DNAH11: variants seen among roughly 807,000 people sequenced by gnomAD.
DNAH11 encodes the protein axonemal beta dynein heavy chain 11.
In DNAH11, 442 loss-of-function variants were observed where a neutral mutation model predicts 526.0. That is an observed-to-expected ratio of 0.84 (90% confidence interval 0.78 to 0.91). DNAH11 has a LOEUF of 0.91. Among genes scored for constraint, DNAH11 ranks in the 40% least tolerant of loss-of-function variants. DNAH11 has a pLI of 0.00. For synonymous variants in DNAH11, 2,461 were observed against 1,935.9 expected (o/e 1.27, Z -7.12); for missense variants, 6,989 against 5,448.7 (o/e 1.28, Z -8.90).
rs573447464 is a variant in DNAH11 at position 21,882,160 on chromosome 7, A to T, written c.12387+1267A>T. ...TAGAATCGTATTTCAGCTGAATCCT[A>T]TACACCATTGAGGTGGAAATGAAGG... On this transcript the variant is annotated intron_variant, in intron 75 of 81. Transcript: ENST00000409508. Among the ~76,000 whole-genome samples the T allele has an allele frequency of 1.1e-4, 16 of 152,266 alleles. No homozygotes were observed. In the South Asian group the frequency reaches 2.9e-3, roughly 28 times the overall value.
intron 28 of DNAH11, among the ~76,000 whole-genome samples, chr7:21,649,441 T>A (rs1429579166): frequency 3.3e-5 from 5 of 152,144 alleles, no homozygotes; most frequent in Non-Finnish European, 7.3e-5. Flanking sequence ...ATTGTCTTTA[T>A]ACAATGGAAT....
chr7:21,590,087 A>T (rs1408651502), intron 12 of DNAH11, among the ~76,000 whole-genome samples: 2 of 152,170 alleles, frequency 1.3e-5, no homozygotes, highest in Non-Finnish European at 2.9e-5. Flanking sequence ...TAACAAAGGA[A>T]ATTTCATATA....
chr7:21,885,147 T>C (rs1243572968), intron 76 of DNAH11, among the ~76,000 whole-genome samples: 4 of 139,538 alleles, frequency 2.9e-5, no homozygotes, highest in Non-Finnish European at 6.1e-5. Context: ...AGAACCTTAT[T>C]TGGATCTTGT....
At chr7:21,692,247 A>G (rs1783663600) in intron 35 of DNAH11, among the ~76,000 whole-genome samples, 1 of 152,242 alleles carries the variant, frequency 6.6e-6, no homozygotes, top group Non-Finnish European at 1.5e-5. Context: ...GGTATAATTT[A>G]ATACAATCAA....
At position 21,742,126 on chromosome 7, in the gene DNAH11, A is replaced by G; in HGVS notation, c.8114A>G (p.His2705Arg). The G allele has an allele frequency of 6.2e-7, 1 of 1,613,874 alleles. No homozygotes were observed. The highest frequency in any genetic ancestry group is 8.5e-7 in the Non-Finnish European group (1 of 1,179,812). Residue 2705 changes from histidine to arginine, a missense_variant, in exon 49 of 82, where the codon CAC (histidine) becomes CGC (arginine). Transcript: ENST00000409508. The stretch of plus-strand genomic sequence containing the variant: ...TTTTTACCCACGGCTATTAAATTCC[A>G]CTACATCTTTAATCTGAGAGATTTA... ...CNFLPTAIKF[H>R]YIFNLRDLSN...
intron 44 of DNAH11, among the ~76,000 whole-genome samples, chr7:21,723,396 G>A (rs979350920): frequency 6.6e-6 from 1 of 152,182 alleles, no homozygotes; most frequent in African/African-American, 2.4e-5. Context: ...CAGGACCTAT[G>A]TTCTTCAGCC....
chr7:21,899,044 T>A (rs1784636489), intron 79 of DNAH11, among the ~76,000 whole-genome samples: 1 of 152,222 alleles, frequency 6.6e-6, no homozygotes, highest in Non-Finnish European at 1.5e-5. Context: ...AGTCACCACA[T>A]AGCATGAAGA....
chr7:21,738,095 A>G (rs533501754), intron 46 of DNAH11, among the ~76,000 whole-genome samples: 1 of 152,216 alleles, frequency 6.6e-6, no homozygotes, highest in African/African-American at 2.4e-5. Flanking sequence ...ATCAGATACT[A>G]CATCTCAGAC....
chr7:21,780,812 T>C (rs775550151), intron 57 of DNAH11, among the ~76,000 whole-genome samples: 2 of 152,196 alleles, frequency 1.3e-5, no homozygotes, highest in Non-Finnish European at 2.9e-5. Context: ...TATTAACATC[T>C]ATTTTGTCAC....
In DNAH11 at chr7:21,900,123, A is replaced by AAGAC. The variant is rs762906796; in HGVS notation, c.13303+5_13303+8dup. 4 of 1,609,266 alleles carry AAGAC rather than the reference A, an allele frequency of 2.5e-6. No homozygotes were observed. Among genetic ancestry groups the AAGAC allele is most frequent in the Admixed American group, 1.7e-5 (1 of 59,454 alleles). On this transcript the variant is annotated splice_donor_region_variant and intron_variant, in intron 81 of 81. Transcript: ENST00000409508. ...CCTCCACGGACTCTTCATGGAGGGT[A>AAGAC]AGACACCCCAAGGGGTAAGTGGGGA...
rs200959017 is a variant in DNAH11 at position 21,899,316 on chromosome 7, T to A, written c.13050-20T>A. ...ATTTTACTGAACAGCAAGTTTTTCTTCCTCCCTCCCATAAACCAGGTTCAA... is the reference window on the plus strand; with the variant it reads ...ATTTTACTGAACAGCAAGTTTTTCTACCTCCCTCCCATAAACCAGGTTCAA... On this transcript the variant is annotated intron_variant, in intron 79 of 81. Coordinates refer to ENST00000409508, the MANE Select transcript of DNAH11 (RefSeq NM_001277115.2). 155 of 1,602,576 alleles carry A rather than the reference T, an allele frequency of 9.7e-5. No individual in the cohort carries two copies. In the East Asian group the frequency reaches 3.0e-3, roughly 31 times the overall value.
rs58775729 is a variant in DNAH11, at chr7:21,786,302, ATG to A, written c.9598-296_9598-295del. ...TATAAATATCTTACAACATATACAC[ATG>A]TGTGTGTGTGTGTGTGTGTGTGTGT... On this transcript the variant is annotated intron_variant, in intron 58 of 81. Transcript: ENST00000409508. Among the ~76,000 whole-genome samples the A allele has an allele frequency of 3.7e-3, 565 of 150,940 alleles. 4 individuals are homozygous for A. Among genetic ancestry groups the A allele is most frequent in the African/African-American group, 0.013 (531 of 40,986 alleles).
At chr7:21,854,891 T>C (rs1782776955) in intron 68 of DNAH11, among the ~76,000 whole-genome samples, 1 of 152,132 alleles carries the variant, frequency 6.6e-6, no homozygotes. Context: ...GTCATGAGGA[T>C]CTGGTTAACA....
intron 25 of DNAH11, among the ~76,000 whole-genome samples, chr7:21,634,402 G>GA (rs1344015141): frequency 6.6e-6 from 1 of 152,212 alleles, no homozygotes; most frequent in Non-Finnish European, 1.5e-5. Flanking sequence ...AGAAATGCTT[G>GA]AAACAGGATA....
chr7:21,860,623 A>G (rs1783025658), intron 68 of DNAH11, among the ~76,000 whole-genome samples: 1 of 152,224 alleles, frequency 6.6e-6, no homozygotes, highest in Non-Finnish European at 1.5e-5. Flanking sequence ...TTAAAAATGA[A>G]CAAATTTCTC....
At chr7:21,785,096 TG>T (rs1480454169) in intron 58 of DNAH11, among the ~76,000 whole-genome samples, 2 of 152,040 alleles carry the variant, frequency 1.3e-5, no homozygotes, top group African/African-American at 2.4e-5. Context: ...GAAAGTGAAA[TG>T]GGGGGCAATG....
intron 30 of DNAH11, among the ~76,000 whole-genome samples, chr7:21,677,491 C>G (rs1036644174): frequency 1.3e-5 from 2 of 152,166 alleles, no homozygotes; most frequent in Non-Finnish European, 2.9e-5. Context: ...AAGCGATTCT[C>G]CTGCCTCAGC....
chr7:21,786,301 CATGTGTGT>C (rs1330802121), intron 58 of DNAH11, among the ~76,000 whole-genome samples: 9 of 115,650 alleles, frequency 7.8e-5, no homozygotes, highest in Non-Finnish European at 1.4e-4. Context: ...AACATATACA[CATGTGTGT>C]GTGTGTGTGT....
chr7:21,588,323 A>G (rs1784545464), intron 10 of DNAH11, 122 bp downstream of exon 10: 7 of 1,367,594 alleles, frequency 5.1e-6, no homozygotes, highest in South Asian at 1.5e-5. Flanking sequence ...TTGTGCTTTT[A>G]TTTAACTGGT....
Sources: allele counts gnomAD v4.1 joint callset (sites outside exome capture counted in the v4.1 genomes callset), GRCh38; gene constraint gnomAD v4.1.1; transcripts MANE v1.5; gene names NCBI Gene and HGNC (gene_info 2026-07-23, HGNC 2026-07-21).